Variants in DPP10 observed in about 807,000 individuals in gnomAD.
The protein encoded by DPP10 is dipeptidyl peptidase like 10.
Under a neutral mutation model 120.9 loss-of-function variants are expected in DPP10, and 33 were observed. The ratio of observed to expected loss-of-function variants is 0.27; its 90% CI spans 0.21 to 0.37. The LOEUF (loss-of-function observed/expected upper bound fraction) is 0.37, where lower values mean the gene tolerates loss of function less well. Among genes scored for constraint, DPP10 ranks in the 10% least tolerant of loss-of-function variants. DPP10 has a pLI of 1.00. For missense variants in DPP10, 816 were observed against 942.8 expected (o/e 0.87, Z 1.76); for synonymous variants, 337 against 326.1 (o/e 1.03, Z -0.36).
intron 1 of DPP10, among the ~76,000 whole-genome samples, chr2:115,043,554 A>T (rs999094616): frequency 6.6e-6 from 1 of 152,240 alleles, no homozygotes; most frequent in Non-Finnish European, 1.5e-5. Context: ...CACAGATTAC[A>T]TAGTAAACTC....
intron 1 of DPP10, among the ~76,000 whole-genome samples, chr2:114,729,020 G>A (rs1371999776): frequency 6.6e-6 from 1 of 152,164 alleles, no homozygotes; most frequent in Non-Finnish European, 1.5e-5. Context: ...ATGGGAGGGA[G>A]GTTTAACGGA....
At chr2:115,237,144 T>C (rs1485780746) in intron 1 of DPP10, among the ~76,000 whole-genome samples, 2 of 151,974 alleles carry the variant, frequency 1.3e-5, no homozygotes, top group Non-Finnish European at 2.9e-5. Flanking sequence ...ATTTTTTTTT[T>C]CCAAATGAAA....
intron 1 of DPP10, among the ~76,000 whole-genome samples, chr2:114,701,836 G>C (rs942213517): frequency 1.2e-4 from 18 of 152,014 alleles, no homozygotes; most frequent in Non-Finnish European, 1.8e-4. Context: ...TATAAAACAG[G>C]AATAGCATTT....
At chr2:114,773,151 A>C (rs73949014) in intron 1 of DPP10, among the ~76,000 whole-genome samples, 3,912 of 152,272 alleles carry the variant, frequency 0.026, 177 homozygotes, top group African/African-American at 0.09. Context: ...TTTATGTGAC[A>C]TTACTGAAAA....
intron 1 of DPP10, among the ~76,000 whole-genome samples, chr2:114,720,489 A>T (rs951115790): frequency 6.6e-6 from 1 of 152,212 alleles, no homozygotes; most frequent in South Asian, 2.1e-4. Context: ...GAATGAAGCT[A>T]AATAAAACAC....
intron 1 of DPP10, among the ~76,000 whole-genome samples, chr2:114,768,456 T>C: frequency 6.6e-6 from 1 of 152,206 alleles, no homozygotes; most frequent in East Asian, 1.9e-4. Flanking sequence ...ATATGCTGAA[T>C]AATGTTTCAT....
rs377169087 is a variant in DPP10 at position 115,060,526 on chromosome 2, A to C, written c.61-248713A>C. Among the ~76,000 whole-genome samples the C allele has an allele frequency of 7.2e-5, 11 of 152,322 alleles. No homozygotes were observed. The East Asian group carries it at 2.1e-3, about 29-fold the overall frequency. ...AGGATCCCTTGAGCCTGGAACTTCG[A>C]GACTGCAGTGAGCGGAGACTGTGCC... On this transcript the variant is annotated intron_variant, in intron 1 of 25. Coordinates refer to ENST00000410059, the MANE Select transcript of DPP10 (RefSeq NM_020868.6).
At position 114,940,669 on chromosome 2, in the gene DPP10, G is replaced by T. The variant is rs13419904; in HGVS notation, c.61-368570G>T. 4.0e-3 allele frequency among the ~76,000 whole-genome samples: 613 copies of T among 152,016 alleles called. 1 individual carries two copies. The highest frequency in any genetic ancestry group is 0.014 in the African/African-American group (600 of 41,466). On this transcript the variant is annotated intron_variant, in intron 1 of 25. Coordinates refer to ENST00000410059, the MANE Select transcript of DPP10 (RefSeq NM_020868.6). Reference sequence around the variant, plus strand: ...AGATATGAAACTTTGTCTTTACCTTGTGTTGAGAGAATATCACTTAGGTGG... The same window carrying T: ...AGATATGAAACTTTGTCTTTACCTTTTGTTGAGAGAATATCACTTAGGTGG...
At position 115,389,671 on chromosome 2, in the gene DPP10, A is replaced by G. The variant is rs538304089; in HGVS notation, c.271+45759A>G. Among the ~76,000 whole-genome samples, 5 of 152,276 alleles carry G rather than the reference A, an allele frequency of 3.3e-5. No individual in the cohort carries two copies. The East Asian group carries it at 7.7e-4, about 24-fold the overall frequency. ...TAGAGTAATGCCCATGAATTATAACACCCACTAGCAGCAAAACAACACGTG... is the reference window on the plus strand; with the variant it reads ...TAGAGTAATGCCCATGAATTATAACGCCCACTAGCAGCAAAACAACACGTG... On this transcript the variant is annotated intron_variant, in intron 3 of 25. Coordinates refer to ENST00000410059, the MANE Select transcript of DPP10 (RefSeq NM_020868.6).
At chr2:114,523,077 C>G (rs1021353205) in intron 1 of DPP10, among the ~76,000 whole-genome samples, 2 of 152,094 alleles carry the variant, frequency 1.3e-5, no homozygotes, top group Non-Finnish European at 2.9e-5. Flanking sequence ...AATTTGGGTA[C>G]CATGGTTATT....
intron 3 of DPP10, among the ~76,000 whole-genome samples, chr2:115,403,688 G>A (rs1277133404): frequency 1.3e-5 from 2 of 152,074 alleles, no homozygotes; most frequent in African/African-American, 4.8e-5. Context: ...ATAGGCATGA[G>A]CCACCGTGCC....
chr2:114,857,023 AG>A (rs1689420732), intron 1 of DPP10, among the ~76,000 whole-genome samples: 1 of 152,170 alleles, frequency 6.6e-6, no homozygotes, highest in Non-Finnish European at 1.5e-5. Context: ...ACTGAGAGTC[AG>A]AAAAAAAAAG....
At chr2:114,679,546 A>G (rs1463193152) in intron 1 of DPP10, among the ~76,000 whole-genome samples, 1 of 151,902 alleles carries the variant, frequency 6.6e-6, no homozygotes, top group East Asian at 1.9e-4. Flanking sequence ...AAAAATCTTT[A>G]TTGTGTACTA....
chr2:114,977,463 T>G (rs939445770), intron 1 of DPP10, among the ~76,000 whole-genome samples: 1 of 152,276 alleles, frequency 6.6e-6, no homozygotes, highest in South Asian at 2.1e-4. Context: ...ATACCTGAAG[T>G]CATGAAGACA....
At chr2:115,472,152 T>C (rs931489989) in intron 3 of DPP10, among the ~76,000 whole-genome samples, 2 of 152,172 alleles carry the variant, frequency 1.3e-5, no homozygotes, top group African/African-American at 4.8e-5. Context: ...ATAATAACCC[T>C]TTATGTGTTT....
intron 1 of DPP10, among the ~76,000 whole-genome samples, chr2:114,617,055 T>A (rs549441325): frequency 6.6e-6 from 1 of 152,208 alleles, no homozygotes; most frequent in East Asian, 1.9e-4. Context: ...GAAAAATTCA[T>A]CAAGCACACG....
chr2:115,280,712 C>T (rs1026160602), intron 1 of DPP10, among the ~76,000 whole-genome samples: 4 of 152,144 alleles, frequency 2.6e-5, no homozygotes, highest in Non-Finnish European at 5.9e-5. Context: ...TTTTCCCATT[C>T]AGTGTGATCT....
chr2:114,462,057 A>T (rs1678961372), intron 1 of DPP10: 1 of 985,294 alleles, frequency 1.0e-6, no homozygotes, highest in African/African-American at 1.7e-5. Flanking sequence ...GCAGAGTGTG[A>T]TATCAAGAAA....
At chr2:114,477,812 T>C (rs1456327341) in intron 1 of DPP10, among the ~76,000 whole-genome samples, 3 of 150,970 alleles carry the variant, frequency 2.0e-5, no homozygotes, top group South Asian at 2.1e-4. Flanking sequence ...TATACATACA[T>C]ATGTGTGTAT....
Sources: gnomAD v4.1 joint callset for allele counts (sites outside exome capture counted in the v4.1 genomes callset) on GRCh38, gnomAD v4.1.1 for gene constraint, MANE v1.5 for transcripts, NCBI Gene and HGNC (gene_info 2026-07-23, HGNC 2026-07-21) for gene names.